The following ZNF729 variants were observed in gnomAD, a reference collection of about 807,000 sequenced individuals.
ZNF729 encodes zinc finger protein 729.
ZNF729 carries 15 observed loss-of-function variants against 12.2 expected under a neutral mutation model. That is an observed-to-expected ratio of 1.23 (90% CI 0.82 to 1.89). The LOEUF is 1.89. ZNF729 is among the 40% of genes most tolerant of loss of function. ZNF729 has a pLI of 0.00. For missense variants in ZNF729, 1,540 were observed against 1,456.7 expected (o/e 1.06, Z -0.93); for synonymous variants, 492 against 476.3 (o/e 1.03, Z -0.43).
intron 1 of ZNF729, among the ~76,000 whole-genome samples, chr19:22,303,074 C>CT (rs1164255989): frequency 6.6e-6 from 1 of 152,056 alleles, no homozygotes; most frequent in Non-Finnish European, 1.5e-5. Context: ...TGCGCCTGGC[C>CT]TTTTAAGTAT....
At chr19:22,294,373 A>G (rs866774578) in intron 1 of ZNF729, among the ~76,000 whole-genome samples, 2 of 151,898 alleles carry the variant, frequency 1.3e-5, no homozygotes, top group Non-Finnish European at 2.9e-5. Context: ...CAGTAGCCCT[A>G]TTGTATAGTT....
intron 3 of ZNF729, among the ~76,000 whole-genome samples, chr19:22,308,990 C>A (rs1234082456): frequency 6.6e-6 from 1 of 152,196 alleles, no homozygotes; most frequent in Non-Finnish European, 1.5e-5. Context: ...AAGCCAATGT[C>A]TGAAAGGGTT....
intron 1 of ZNF729, among the ~76,000 whole-genome samples, chr19:22,294,946 C>T (rs866052701): frequency 2.0e-5 from 3 of 151,682 alleles, no homozygotes; most frequent in Non-Finnish European, 4.4e-5. Context: ...CATGAGCTAC[C>T]GTGCCTGGCC....
chr19:22,290,070 A>G (rs549446958), intron 1 of ZNF729, among the ~76,000 whole-genome samples: 2 of 152,272 alleles, frequency 1.3e-5, no homozygotes, highest in Admixed American at 6.5e-5. Context: ...CACATGAATA[A>G]CTCTGACATG....
At chr19:22,290,368 G>A (rs1479228836) in intron 1 of ZNF729, among the ~76,000 whole-genome samples, 1 of 152,198 alleles carries the variant, frequency 6.6e-6, no homozygotes, top group Non-Finnish European at 1.5e-5. Flanking sequence ...ACTTTGTAAA[G>A]TAAAACAAAG....
At chr19:22,306,482 T>A (rs1211922660) in intron 3 of ZNF729, among the ~76,000 whole-genome samples, 3 of 149,732 alleles carry the variant, frequency 2.0e-5, no homozygotes, top group Admixed American at 2.0e-4. Flanking sequence ...ACATACCAGT[T>A]TCATTGTTCT....
At chr19:22,300,369 T>G (rs1968288634) in intron 1 of ZNF729, among the ~76,000 whole-genome samples, 1 of 152,234 alleles carries the variant, frequency 6.6e-6, no homozygotes, top group African/African-American at 2.4e-5. Context: ...CAGGTTTAAT[T>G]GTGTAATAAA....
rs1568577766 is a variant in ZNF729, at chr19:22,315,074, T to A, written c.1657T>A (p.Phe553Ile). 1 of 1,611,030 alleles carries A rather than the reference T, an allele frequency of 6.2e-7. No homozygotes were observed. The highest frequency in any genetic ancestry group is 8.5e-7 in the Non-Finnish European group (1 of 1,179,674). ...CAAATGTGAAGAATGTGGTAAAGCT[T>A]TTAAGTGGTCATCAAAACTTACTGT... ...PYKCEECGKAFKWSSKLTVHK... is the reference protein window; with the variant it reads ...PYKCEECGKAIKWSSKLTVHK... Residue 553 changes from phenylalanine (F) to isoleucine (I), a missense_variant, in exon 4 of 4, where the codon TTT becomes ATT. Transcript: ENST00000601693.
chr19:22,287,178 G>A (rs1323436961), intron 1 of ZNF729, among the ~76,000 whole-genome samples: 1 of 151,826 alleles, frequency 6.6e-6, no homozygotes, highest in East Asian at 1.9e-4. Context: ...TATAATCAGA[G>A]GTTAATTGTA....
In ZNF729 at chr19:22,316,326, G is replaced by A. The variant is rs1448852608; in HGVS notation, c.2909G>A (p.Gly970Asp). 1 of 1,613,310 alleles carries A rather than the reference G, an allele frequency of 6.2e-7. No individual in the cohort carries two copies. Among genetic ancestry groups the A allele is most frequent in the African/African-American group, 1.3e-5 (1 of 74,814 alleles). The change falls in exon 4 of 4, where the codon GGC becomes GAC. Residue 970 changes from glycine to aspartate, a missense_variant. Gly to Asp is a moderately conservative substitution (Grantham distance 94). Transcript: ENST00000601693. ...AAACCATACAAATGTGCAGAATGTG[G>A]CAAAGCTTTTAAGCAATCCTCACAT... ...GKKPYKCAEC[G>D]KAFKQSSHLT...
chr19:22,306,500 GT>G (rs542245598), intron 3 of ZNF729, among the ~76,000 whole-genome samples: 27 of 143,024 alleles, frequency 1.9e-4, no homozygotes, highest in African/African-American at 3.3e-4. Context: ...TCTGTTTTAT[GT>G]TTTTTTTTTT....
chr19:22,302,494 G>A (rs923602258), intron 1 of ZNF729, among the ~76,000 whole-genome samples: 30 of 6,526 alleles, frequency 4.6e-3, no homozygotes, highest in African/African-American at 0.016. Context: ...GAATACATAT[G>A]TATATTTTAA....
At chr19:22,302,281 A>G (rs1163491417) in intron 1 of ZNF729, among the ~76,000 whole-genome samples, 1 of 152,312 alleles carries the variant, frequency 6.6e-6, no homozygotes, top group African/African-American at 2.4e-5. Context: ...TGAGGGAGTC[A>G]TGGTCCCTAC....
At position 22,315,886 on chromosome 19, in the gene ZNF729, C is replaced by T. The variant is rs1363906007; in HGVS notation, c.2469C>T (p.Pro823=). 2 of 1,610,598 alleles carry T rather than the reference C, an allele frequency of 1.2e-6. No homozygotes were observed. The highest frequency in any genetic ancestry group is 2.2e-5 in the South Asian group (2 of 91,020). ...AGGTAATTCATACTGGAGAGAAACC[C>T]TGCAAATGTGAAGAATGTGGCAAAG... ...VHKVIHTGEK[P]CKCEECGKAF... is the part of the protein sequence containing the mutation. The change falls in exon 4 of 4, where the codon CCC becomes CCT. Residue 823 remains proline, a synonymous_variant. Coordinates refer to ENST00000601693, the MANE Select transcript of ZNF729 (RefSeq NM_001242680.2).
intron 1 of ZNF729, among the ~76,000 whole-genome samples, chr19:22,302,127 C>T (rs142535895): frequency 2.6e-5 from 4 of 152,310 alleles, no homozygotes; most frequent in Non-Finnish European, 4.4e-5. Flanking sequence ...TGTTCCTCCC[C>T]TCATACAAGA....
chr19:22,295,588 G>A (rs1968220291), intron 1 of ZNF729, among the ~76,000 whole-genome samples: 1 of 152,046 alleles, frequency 6.6e-6, no homozygotes, highest in Non-Finnish European at 1.5e-5. Flanking sequence ...TTTTACTGGA[G>A]ACGGGGTTTC....
chr19:22,288,805 G>T (rs74583609), intron 1 of ZNF729, among the ~76,000 whole-genome samples: 4,746 of 151,672 alleles, frequency 0.031, 235 homozygotes, highest in African/African-American at 0.11. Context: ...AATAGGGAAA[G>T]AAATATAATG....
intron 1 of ZNF729, among the ~76,000 whole-genome samples, chr19:22,298,561 T>A (rs897630486): frequency 6.6e-6 from 1 of 152,178 alleles, no homozygotes; most frequent in Non-Finnish European, 1.5e-5. Flanking sequence ...TCACCCCGGC[T>A]GGAGTGCAAT....
chr19:22,293,652 G>A (rs972904020), intron 1 of ZNF729, among the ~76,000 whole-genome samples: 22 of 150,790 alleles, frequency 1.5e-4, no homozygotes, highest in Non-Finnish European at 2.7e-4. Flanking sequence ...ACCACCACAC[G>A]TGGCTAATTT....
Sources: allele counts gnomAD v4.1 joint callset (sites outside exome capture counted in the v4.1 genomes callset), GRCh38; gene constraint gnomAD v4.1.1; transcripts MANE v1.5; gene names NCBI Gene and HGNC (gene_info 2026-07-23, HGNC 2026-07-21).